The following FBXO22 variants were observed in gnomAD, a reference collection of about 807,000 sequenced individuals.
FBXO22 encodes the protein F-box only protein 22.
A neutral mutation model predicts 37.2 loss-of-function variants in FBXO22; 13 were observed. The ratio of observed to expected loss-of-function variants is 0.35; its 90% CI spans 0.23 to 0.56. The LOEUF is 0.56. FBXO22 is among the 20% of genes least tolerant of loss of function. FBXO22 has a pLI of 0.87. For missense variants in FBXO22, 446 were observed against 509.9 expected, an observed-to-expected ratio of 0.87 and a Z score of 1.21; for synonymous variants, 189 against 189.1, an observed-to-expected ratio of 1.00 and a Z score of 0.00.
In FBXO22 at chr15:75,928,941, C is replaced by T. The variant is rs75629444; in HGVS notation, c.629-943C>T. Among the ~76,000 whole-genome samples, 2,130 of 152,212 alleles carry T rather than the reference C, an allele frequency of 0.014. 74 individuals carry two copies. In the East Asian group the frequency reaches 0.15, roughly 10 times the overall value. ...ATTCGCCTTTACTCTCACCTGCTTC[C>T]GTGGAGGAGGTGAATAAAGCCTGTA... is the stretch of plus-strand genomic sequence containing the variant. On this transcript the variant is annotated intron_variant, in intron 5 of 6. Transcript: ENST00000308275.
At chr15:75,922,528 G>T (rs1425578184) in intron 5 of FBXO22, among the ~76,000 whole-genome samples, 5 of 152,210 alleles carry the variant, frequency 3.3e-5, no homozygotes, top group Non-Finnish European at 7.3e-5. Flanking sequence ...CAGGCACAGA[G>T]CCAGGAAATC....
At chr15:75,914,831 G>A (rs1421131001) in intron 4 of FBXO22, among the ~76,000 whole-genome samples, 1 of 152,126 alleles carries the variant, frequency 6.6e-6, no homozygotes, top group East Asian at 1.9e-4. Flanking sequence ...ACTTCATGGG[G>A]CTTCACTGTC....
At chr15:75,909,878 T>C (rs1054599393) in intron 2 of FBXO22, among the ~76,000 whole-genome samples, 2 of 151,900 alleles carry the variant, frequency 1.3e-5, no homozygotes, top group Non-Finnish European at 2.9e-5. Context: ...CAACCCGTCA[T>C]CTACATTAGG....
chr15:75,917,236 C>T lies in FBXO22; in HGVS notation c.470C>T (p.Pro157Leu), dbSNP rs1423527362. The change falls in exon 5 of 7, where the codon CCA (proline) becomes CTA (leucine). Residue 157 changes from proline to leucine, a missense_variant. Coordinates refer to ENST00000308275, the MANE Select transcript of FBXO22 (RefSeq NM_147188.3). ...GIVTPGIVVT[P>L]MGSGSNRPQE... ...TGTTTAACTTTTTCTCTAGTGACTC[C>T]AATGGGATCAGGTAGCAATCGACCT... 1 of 1,609,616 alleles carries T rather than the reference C, an allele frequency of 6.2e-7. No homozygotes were observed. The highest frequency in any genetic ancestry group is 8.5e-7 in the Non-Finnish European group (1 of 1,178,672).
At chr15:75,904,228 C>A in intron 1 of FBXO22, 125 bp downstream of exon 1, 1 of 1,320,266 alleles carries the variant, frequency 7.6e-7, no homozygotes, top group Non-Finnish European at 1.0e-6. Flanking sequence ...GCTCGCCCTA[C>A]CTGAGGTGAC....
Position 75,934,343 on chromosome 15 carries a change from T to G in FBXO22, c.*1241T>G, listed in dbSNP as rs2030185115. 1 of 152,204 alleles carries G rather than the reference T, an allele frequency of 6.6e-6. No homozygotes were observed. Among genetic ancestry groups the G allele is most frequent in the African/African-American group, 2.4e-5 (1 of 41,432 alleles). The allele number at this position is 152,204 out of a possible 1,614,324, so 9.4% of individuals were successfully genotyped here. On this transcript the variant is annotated 3_prime_UTR_variant, in exon 7 of 7. Coordinates refer to ENST00000308275, the MANE Select transcript of FBXO22 (RefSeq NM_147188.3). ...GACCTCATTGAAGAAACACCATAAG[T>G]GGCGTGGACTATCTACCTCCAGACT...
At chr15:75,905,749 G>C (rs560895903) in intron 2 of FBXO22, 1 of 152,298 alleles carries the variant, frequency 6.6e-6, no homozygotes, top group African/African-American at 2.4e-5. Context: ...GAAAATCACA[G>C]GCTATTTTGT....
chr15:75,916,770 G>GT (rs1235957031), intron 4 of FBXO22, among the ~76,000 whole-genome samples: 1 of 151,964 alleles, frequency 6.6e-6, no homozygotes, highest in Non-Finnish European at 1.5e-5. Flanking sequence ...GGACATTCAG[G>GT]TTTTTTCTTT....
chr15:75,909,877 A>G (rs1900014587), intron 2 of FBXO22, among the ~76,000 whole-genome samples: 1 of 151,710 alleles, frequency 6.6e-6, no homozygotes, highest in Non-Finnish European at 1.5e-5. Flanking sequence ...TCAACCCGTC[A>G]TCTACATTAG....
In FBXO22 at chr15:75,936,771, T is replaced by TC. The variant is rs1278404335; in HGVS notation, c.*3670dup. 1 of 151,676 alleles carries TC rather than the reference T, an allele frequency of 6.6e-6. No homozygotes were observed. The highest frequency in any genetic ancestry group is 1.5e-5 in the Non-Finnish European group (1 of 68,014). The allele number at this position is 151,676 out of a possible 1,614,324, so 9.4% of individuals were successfully genotyped here. On this transcript the variant is annotated 3_prime_UTR_variant, in exon 7 of 7. Coordinates refer to ENST00000308275, the MANE Select transcript of FBXO22 (RefSeq NM_147188.3). ...GTATTTTTAGTAGAGATGGGGTTTCTCTGTGTTGGTCAGGCTGGCCTCAGA... is the reference window on the plus strand; with the variant it reads ...GTATTTTTAGTAGAGATGGGGTTTCTCCTGTGTTGGTCAGGCTGGCCTCAGA...
rs1178139574 is a variant in FBXO22 at position 75,903,928 on chromosome 15, G to T, written c.-36G>T. 1.4e-6 allele frequency: 2 copies of T among 1,476,230 alleles called. No homozygotes were observed. The highest frequency in any genetic ancestry group is 2.3e-5 in the Admixed American group (1 of 42,996). The allele number at this position is 1,476,230 out of a possible 1,614,324, so 91.4% of individuals were successfully genotyped here. A position where few individuals can be genotyped will look rare whatever the true frequency, so the allele number is the denominator to read the frequency against. On this transcript the variant is annotated 5_prime_UTR_variant, in exon 1 of 7. Coordinates refer to ENST00000308275, the MANE Select transcript of FBXO22 (RefSeq NM_147188.3). ...TGCTGGCGTAATCGGGTTCCTCCGA[G>T]CCGCCGTAGGACTGGTTCCGGCGGG... is the stretch of plus-strand genomic sequence containing the variant.
intron 6 of FBXO22, among the ~76,000 whole-genome samples, chr15:75,932,371 A>C (rs963858866): frequency 6.6e-6 from 1 of 152,192 alleles, no homozygotes; most frequent in Non-Finnish European, 1.5e-5. Flanking sequence ...CATTCCTTTT[A>C]AGGAAGTCAG....
chr15:75,912,149 T>C (rs577244046), intron 2 of FBXO22, among the ~76,000 whole-genome samples: 1 of 152,058 alleles, frequency 6.6e-6, no homozygotes, highest in South Asian at 2.1e-4. Flanking sequence ...ATAAGCTTTT[T>C]GATGTGCTGC....
At chr15:75,924,018 A>G (rs1427078173) in intron 5 of FBXO22, among the ~76,000 whole-genome samples, 1 of 152,150 alleles carries the variant, frequency 6.6e-6, no homozygotes, top group African/African-American at 2.4e-5. Context: ...TAAGGTGAAG[A>G]AGATTTGAAG....
rs1258410316 is a variant in FBXO22 at position 75,940,669 on chromosome 15, A to G, written c.*7567A>G. On this transcript the variant is annotated 3_prime_UTR_variant, in exon 7 of 7. Coordinates refer to ENST00000308275, the MANE Select transcript of FBXO22 (RefSeq NM_147188.3). ...ATAGACCAATGGGATAGACTGGAGAACCTAGAAATAAACCCTCTCATATGT... is the reference window on the plus strand; with the variant it reads ...ATAGACCAATGGGATAGACTGGAGAGCCTAGAAATAAACCCTCTCATATGT... 6.6e-6 allele frequency: 1 copy of G among 152,144 alleles called. No homozygotes were observed. The highest frequency in any genetic ancestry group is 1.9e-4 in the East Asian group (1 of 5,206). 9.4% of individuals were successfully genotyped at this position (152,144 alleles called of 1,614,324 possible).
In FBXO22 at chr15:75,933,123, A is replaced by G. The variant is rs1400157837; in HGVS notation, c.*21A>G. Reference sequence around the variant, plus strand: ...AATAATAATTAAAGTGGCTTTCATAATATGTAACTTTTGGGTTCTGCCTTT... The same window carrying G: ...AATAATAATTAAAGTGGCTTTCATAGTATGTAACTTTTGGGTTCTGCCTTT... On this transcript the variant is annotated 3_prime_UTR_variant, in exon 7 of 7. Transcript: ENST00000308275. The G allele has an allele frequency of 1.3e-6, 2 of 1,564,840 alleles. No individual in the cohort carries two copies. Among genetic ancestry groups the G allele is most frequent in the Non-Finnish European group, 1.7e-6 (2 of 1,158,214 alleles).
chr15:75,906,690 GAGCT>G (rs1345768572), intron 2 of FBXO22, among the ~76,000 whole-genome samples: 1 of 152,098 alleles, frequency 6.6e-6, no homozygotes, highest in African/African-American at 2.4e-5. Context: ...TCATTCCAGG[GAGCT>G]GGCCAGTATC....
chr15:75,907,622 A>G (rs1899958047), intron 2 of FBXO22, among the ~76,000 whole-genome samples: 1 of 152,182 alleles, frequency 6.6e-6, no homozygotes, highest in Admixed American at 6.5e-5. Flanking sequence ...TCCGCCAGGC[A>G]TGGTGGCTCA....
At chr15:75,904,179 G>A in intron 1 of FBXO22, 76 bp downstream of exon 1, 1 of 1,463,236 alleles carries the variant, frequency 6.8e-7, no homozygotes, top group Non-Finnish European at 9.1e-7. Flanking sequence ...CGGGGTGGGG[G>A]GAGAGACCCT....
Sources: allele counts gnomAD v4.1 joint callset (sites outside exome capture counted in the v4.1 genomes callset), GRCh38; gene constraint gnomAD v4.1.1; transcripts MANE v1.5; gene names NCBI Gene and HGNC (gene_info 2026-07-23, HGNC 2026-07-21).